Variants in CDH17 observed in about 807,000 individuals in gnomAD.
The protein encoded by CDH17 is cadherin-17.
A neutral mutation model predicts 86.3 loss-of-function variants in CDH17; 67 were observed. The ratio of observed to expected loss-of-function variants is 0.78; its 90% CI spans 0.64 to 0.95. CDH17 has a LOEUF of 0.95. Among genes scored for constraint, CDH17 ranks in the 40% least tolerant of loss-of-function variants. The probability of loss-of-function intolerance (pLI) is 0.00; values close to 1 mark genes in which losing one functional copy is unlikely to be tolerated. For synonymous variants in CDH17, 367 were observed against 366.4 expected, an observed-to-expected ratio of 1.00 and a Z score of -0.02; for missense variants, 993 against 1,017.6, an observed-to-expected ratio of 0.98 and a Z score of 0.33.
intron 6 of CDH17, 34 bp downstream of exon 6, chr8:94,174,068 C>A (rs776972662): frequency 2.5e-6 from 4 of 1,610,036 alleles, no homozygotes; most frequent in Non-Finnish European, 8.5e-7. Flanking sequence ...TTTTTCTGAT[C>A]GAGACAGTCC....
At position 94,173,908 on chromosome 8, in the gene CDH17, G is replaced by A. The variant is rs1242492756; in HGVS notation, c.672C>T (p.Phe224=). The change falls in exon 7 of 18, where the codon TTC becomes TTT. Residue 224 remains phenylalanine (F), a synonymous_variant. Coordinates refer to ENST00000027335, the MANE Select transcript of CDH17 (RefSeq NM_004063.4). ...KDMGGQSENS[F]SDTTSVDIIV... is the part of the protein sequence containing the mutation. ...TGATATCCACAGATGTGGTATCACTGAAGGAATTCTCACTCTGGCCTCCCA... is the reference window on the plus strand; with the variant it reads ...TGATATCCACAGATGTGGTATCACTAAAGGAATTCTCACTCTGGCCTCCCA... The A allele has an allele frequency of 1.2e-6, 2 of 1,613,444 alleles. No individual in the cohort carries two copies. Among genetic ancestry groups the A allele is most frequent in the Non-Finnish European group, 1.7e-6 (2 of 1,179,470 alleles).
At chr8:94,148,647 G>T (rs1812794122) in intron 14 of CDH17, 97 bp downstream of exon 14, 1 of 1,004,466 alleles carries the variant, frequency 1.0e-6, no homozygotes, top group Non-Finnish European at 1.4e-6. Context: ...TGGTGTTTTG[G>T]CCCTGTCAGT....
chr8:94,129,600 C>T (rs369184911), intron 17 of CDH17, among the ~76,000 whole-genome samples: 16 of 152,254 alleles, frequency 1.1e-4, no homozygotes, highest in African/African-American at 3.6e-4. Context: ...CCATAAACCC[C>T]TTCACTCAGG....
At chr8:94,206,556 G>A (rs1287977828) in intron 1 of CDH17, among the ~76,000 whole-genome samples, 1 of 152,048 alleles carries the variant, frequency 6.6e-6, no homozygotes, top group African/African-American at 2.4e-5. Context: ...AGAAAAATGA[G>A]GGACACATCC....
At chr8:94,168,626 T>C (rs777548135) in intron 9 of CDH17, among the ~76,000 whole-genome samples, 2 of 152,150 alleles carry the variant, frequency 1.3e-5, no homozygotes, top group Non-Finnish European at 2.9e-5. Context: ...CTCTGAAATA[T>C]TTTTACAAAA....
At chr8:94,206,326 C>T (rs9642922) in intron 1 of CDH17, among the ~76,000 whole-genome samples, 63,874 of 152,112 alleles carry the variant, frequency 0.42, 14,588 homozygotes, top group Middle Eastern at 0.54. Context: ...CTTAAAATTC[C>T]GTGTGTCTTT....
Position 94,189,180 on chromosome 8 carries a change from C to T in CDH17, c.150+7G>A. On this transcript the variant is annotated splice_region_variant and intron_variant, in intron 3 of 17. Coordinates refer to ENST00000027335, the MANE Select transcript of CDH17 (RefSeq NM_004063.4). Reference sequence around the variant, plus strand: ...TCAAGAGGACAGTGATCAAGGGTAGCTTTTACCTGGAATATAATTTGACTC... The same window carrying T: ...TCAAGAGGACAGTGATCAAGGGTAGTTTTTACCTGGAATATAATTTGACTC... The T allele has an allele frequency of 1.9e-6, 3 of 1,603,332 alleles. No individual in the cohort carries two copies. Among genetic ancestry groups the T allele is most frequent in the Non-Finnish European group, 2.6e-6 (3 of 1,171,800 alleles).
At chr8:94,201,505 T>C (rs1205605051) in intron 1 of CDH17, among the ~76,000 whole-genome samples, 1 of 152,188 alleles carries the variant, frequency 6.6e-6, no homozygotes, top group African/African-American at 2.4e-5. Context: ...ACTGTGTGAA[T>C]GTACAGACAG....
At chr8:94,132,391 C>G (rs1812437896) in intron 15 of CDH17, among the ~76,000 whole-genome samples, 1 of 152,174 alleles carries the variant, frequency 6.6e-6, no homozygotes, top group African/African-American at 2.4e-5. Context: ...GAGATGGTAT[C>G]TCATTGTGGT....
chr8:94,177,749 G>A, intron 3 of CDH17, 28 bp from the exon 4 acceptor site: 1 of 1,608,876 alleles, frequency 6.2e-7, no homozygotes. Context: ...AACAGATTAA[G>A]TTGTAAGGGA....
rs1479837946 is a variant in CDH17, at chr8:94,151,940, A to C, written c.1724T>G (p.Val575Gly). 2 of 1,614,020 alleles carry C rather than the reference A, an allele frequency of 1.2e-6. No homozygotes were observed. Among genetic ancestry groups the C allele is most frequent in the Non-Finnish European group, 1.7e-6 (2 of 1,180,024 alleles). The change falls in exon 13 of 18, where the codon GTC (valine) becomes GGC (glycine). Residue 575 changes from valine to glycine, a missense_variant. By Grantham distance (109) the Val-to-Gly change is moderately radical. Coordinates refer to ENST00000027335, the MANE Select transcript of CDH17 (RefSeq NM_004063.4). ...QFSQHVFQAK[V>G]SEDVAIGTKV... ...AGTGCCTATAGCTACATCCTCACTGACTTTCGCTTGGAATACGTGTTGGGA... is the reference window on the plus strand; with the variant it reads ...AGTGCCTATAGCTACATCCTCACTGCCTTTCGCTTGGAATACGTGTTGGGA...
intron 13 of CDH17, 77 bp from the exon 14 acceptor site, chr8:94,148,951 A>G (rs1336311360): frequency 1.2e-5 from 16 of 1,301,188 alleles, no homozygotes; most frequent in Non-Finnish European, 1.7e-5. Context: ...TGCGTCAACT[A>G]AATATGTTTG....
At chr8:94,139,219 T>G (rs1030690115) in intron 15 of CDH17, among the ~76,000 whole-genome samples, 1 of 152,108 alleles carries the variant, frequency 6.6e-6, no homozygotes, top group African/African-American at 2.4e-5. Flanking sequence ...CTAGGTTGGA[T>G]GAATGGCTAT....
intron 1 of CDH17, chr8:94,202,965 C>A: frequency 3.2e-6 from 1 of 315,716 alleles, no homozygotes; most frequent in South Asian, 2.8e-5. Context: ...CTCTGAGGTT[C>A]CCCTTTTCAC....
rs1434664064 is a variant in CDH17, at chr8:94,148,815, A to T, written c.1856T>A (p.Ile619Asn). ...WLKIDHVTGEIFSVAPLDREA... is the reference protein window; with the variant it reads ...WLKIDHVTGENFSVAPLDREA... ...TCTGTCCAATGGAGCCACACTAAAG[A>T]TCTCACCAGTCACGTGGTCAATTTT... The change falls in exon 14 of 18, where the codon ATC (isoleucine) becomes AAC (asparagine). Residue 619 changes from isoleucine to asparagine, a missense_variant. By Grantham distance (149) the Ile-to-Asn change is moderately radical. Transcript: ENST00000027335. 1 of 1,608,530 alleles carries T rather than the reference A, an allele frequency of 6.2e-7. No homozygotes were observed. Among genetic ancestry groups the T allele is most frequent in the Non-Finnish European group, 8.5e-7 (1 of 1,178,462 alleles).
intron 8 of CDH17, 29 bp from the exon 9 acceptor site, chr8:94,170,576 A>T: frequency 2.5e-6 from 4 of 1,607,246 alleles, no homozygotes; most frequent in Non-Finnish European, 2.6e-6. Flanking sequence ...AGTTAAGGCA[A>T]GACTCACCCA....
chr8:94,199,066 TATATATATATATATA>T (rs1244524417), intron 1 of CDH17, among the ~76,000 whole-genome samples: 337 of 23,074 alleles, frequency 0.015, 6 homozygotes, highest in Middle Eastern at 0.05. Context: ...TATATATATA[TATATATATATATATA>T]TATTTTTTTT....
intron 9 of CDH17, among the ~76,000 whole-genome samples, chr8:94,168,429 C>CA (rs1258151118): frequency 6.6e-6 from 1 of 151,280 alleles, no homozygotes; most frequent in African/African-American, 2.4e-5. Flanking sequence ...AGGCATGAGC[C>CA]ACTGCACCTG....
chr8:94,206,094 TGAAGA>T (rs1488200288), intron 1 of CDH17, among the ~76,000 whole-genome samples: 1 of 152,062 alleles, frequency 6.6e-6, no homozygotes, highest in Non-Finnish European at 1.5e-5. Context: ...ACAGAATATT[TGAAGA>T]GAAATTTTCT....
Sources: allele counts gnomAD v4.1 joint callset (sites outside exome capture counted in the v4.1 genomes callset), GRCh38; gene constraint gnomAD v4.1.1; transcripts MANE v1.5; gene names NCBI Gene and HGNC (gene_info 2026-07-23, HGNC 2026-07-21).